RNF180: variants seen among roughly 807,000 people sequenced by gnomAD.
RNF180 encodes the protein ring finger protein 180, also known as E3 ubiquitin-protein ligase RNF180.
A neutral mutation model predicts 59.2 loss-of-function variants in RNF180; 38 were observed. The ratio of observed to expected loss-of-function variants is 0.64; its 90% CI spans 0.50 to 0.84. RNF180 has a LOEUF of 0.84. Ranked by LOEUF, RNF180 falls within the 40% of genes least tolerant of loss-of-function variation. The pLI is 0.00. For missense variants in RNF180, 705 were observed against 700.9 expected (o/e 1.01, Z -0.07); for synonymous variants, 262 against 240.3 (o/e 1.09, Z -0.84).
At chr5:64,219,188 G>A (rs1752781385) in intron 5 of RNF180, among the ~76,000 whole-genome samples, 1 of 150,762 alleles carries the variant, frequency 6.6e-6, no homozygotes, top group South Asian at 2.1e-4. Context: ...CTCATGAATG[G>A]ATGTTGAATT....
intron 5 of RNF180, among the ~76,000 whole-genome samples, chr5:64,271,096 T>G: frequency 6.6e-6 from 1 of 152,092 alleles, no homozygotes; most frequent in East Asian, 1.9e-4. Flanking sequence ...TGGTAATGAT[T>G]GATTTTCTGT....
chr5:64,288,291 T>G (rs982166324), intron 5 of RNF180, among the ~76,000 whole-genome samples: 1 of 152,242 alleles, frequency 6.6e-6, no homozygotes, highest in Non-Finnish European at 1.5e-5. Flanking sequence ...CATGCTTTTT[T>G]GGTTACTGTG....
chr5:64,341,032 A>T (rs1429405064), intron 7 of RNF180, among the ~76,000 whole-genome samples: 2 of 152,050 alleles, frequency 1.3e-5, no homozygotes, highest in Non-Finnish European at 2.9e-5. Context: ...CATATATAGA[A>T]CTTGCTTGTT....
chr5:64,223,388 C>T (rs1184745996), intron 5 of RNF180, among the ~76,000 whole-genome samples: 5 of 152,214 alleles, frequency 3.3e-5, no homozygotes, highest in African/African-American at 9.7e-5. Flanking sequence ...AGTACATTCA[C>T]AGGATCTTAG....
intron 5 of RNF180, among the ~76,000 whole-genome samples, chr5:64,319,403 G>T (rs1744228694): frequency 1.3e-5 from 2 of 151,940 alleles, no homozygotes; most frequent in Non-Finnish European, 2.9e-5. Context: ...TGTTTAATTT[G>T]CTGATTTTGA....
At chr5:64,266,756 G>T (rs1017022693) in intron 5 of RNF180, among the ~76,000 whole-genome samples, 1 of 152,264 alleles carries the variant, frequency 6.6e-6, no homozygotes, top group East Asian at 1.9e-4. Flanking sequence ...GGAGTAGAGA[G>T]TAGGTGTAAA....
At chr5:64,194,489 G>A (rs910500806) in intron 1 of RNF180, among the ~76,000 whole-genome samples, 9 of 152,268 alleles carry the variant, frequency 5.9e-5, no homozygotes, top group Admixed American at 5.9e-4. Flanking sequence ...CTTTATAGCA[G>A]CATGATTTAT....
intron 1 of RNF180, among the ~76,000 whole-genome samples, chr5:64,171,657 A>G (rs1444303004): frequency 6.6e-6 from 1 of 152,176 alleles, no homozygotes; most frequent in East Asian, 1.9e-4. Context: ...CTTTTTGATC[A>G]TTTGATCTAT....
intron 5 of RNF180, among the ~76,000 whole-genome samples, chr5:64,230,060 C>CT (rs1298016899): frequency 1.4e-5 from 2 of 145,638 alleles, no homozygotes; most frequent in Non-Finnish European, 3.0e-5. Flanking sequence ...AATTTTTCTC[C>CT]TTTTATCTCT....
At chr5:64,192,907 A>G (rs55643912) in intron 1 of RNF180, among the ~76,000 whole-genome samples, 37 of 48,768 alleles carry the variant, frequency 7.6e-4, no homozygotes, top group African/African-American at 3.3e-3. Context: ...TGGCATGTAT[A>G]TATATATATA....
At chr5:64,343,407 C>A (rs1321738482) in intron 7 of RNF180, among the ~76,000 whole-genome samples, 1 of 151,856 alleles carries the variant, frequency 6.6e-6, no homozygotes, top group Non-Finnish European at 1.5e-5. Flanking sequence ...TAATTGGAGA[C>A]CCTGAAGGAA....
At chr5:64,225,672 T>C (rs376723737) in intron 5 of RNF180, among the ~76,000 whole-genome samples, 864 of 54,400 alleles carry the variant, frequency 0.016, no homozygotes, top group Middle Eastern at 0.054. Flanking sequence ...TCTGCCCGGC[T>C]GCCCCGTCTG....
intron 7 of RNF180, among the ~76,000 whole-genome samples, chr5:64,363,089 T>G (rs1746320108): frequency 6.6e-6 from 1 of 151,904 alleles, no homozygotes; most frequent in South Asian, 2.1e-4. Flanking sequence ...AGAAGCTCTT[T>G]AGTTTAATTA....
chr5:64,166,654 TTGTAAG>T (rs1255013164), intron 1 of RNF180, among the ~76,000 whole-genome samples: 3 of 152,304 alleles, frequency 2.0e-5, no homozygotes, highest in Admixed American at 6.5e-5. Flanking sequence ...CATCTAACAG[TTGTAAG>T]TGTATCTGTG....
intron 7 of RNF180, among the ~76,000 whole-genome samples, chr5:64,334,486 A>G (rs1206118009): frequency 6.6e-6 from 1 of 152,126 alleles, no homozygotes; most frequent in Non-Finnish European, 1.5e-5. Flanking sequence ...AAAATCGCAC[A>G]TAGGATTTTA....
intron 5 of RNF180, among the ~76,000 whole-genome samples, chr5:64,226,197 A>T (rs1741746056): frequency 6.6e-6 from 1 of 152,186 alleles, no homozygotes; most frequent in African/African-American, 2.4e-5. Flanking sequence ...ACGGGCCATG[A>T]TGACAATGGC....
intron 7 of RNF180, among the ~76,000 whole-genome samples, chr5:64,351,218 G>C (rs1012545196): frequency 2.6e-5 from 4 of 152,220 alleles, no homozygotes; most frequent in African/African-American, 9.6e-5. Context: ...TCTGTTATTG[G>C]TGTATAAGAA....
At chr5:64,349,179 A>C (rs890155620) in intron 7 of RNF180, among the ~76,000 whole-genome samples, 1 of 152,104 alleles carries the variant, frequency 6.6e-6, no homozygotes, top group Non-Finnish European at 1.5e-5. Context: ...TACATCAAAA[A>C]AGTCCCCTTA....
chr5:64,235,709 G>A (rs1742395710), intron 5 of RNF180, among the ~76,000 whole-genome samples: 1 of 152,072 alleles, frequency 6.6e-6, no homozygotes, highest in South Asian at 2.1e-4. Context: ...GGGACCTGGT[G>A]GGAGGTGATT....
Sources: allele counts gnomAD v4.1 joint callset (sites outside exome capture counted in the v4.1 genomes callset), GRCh38; gene constraint gnomAD v4.1.1; transcripts MANE v1.5; gene names NCBI Gene and HGNC (gene_info 2026-07-23, HGNC 2026-07-21).